GARIN2: variants seen among roughly 807,000 people sequenced by gnomAD.
GARIN2 encodes the protein golgi associated RAB2 interactor family member 2.
At chr14:67,192,875 T>C in the GARIN2 span, among the ~76,000 whole-genome samples, 7 of 146,518 alleles carry the variant, frequency 4.8e-5, no homozygotes, top group South Asian at 6.3e-4. Context: ...TATAGATATA[T>C]AGATATATAT....
At chr14:67,225,640 A>G in the GARIN2 span, among the ~76,000 whole-genome samples, 6 of 152,122 alleles carry the variant, frequency 3.9e-5, no homozygotes, top group Admixed American at 1.3e-4. Flanking sequence ...AAAATGATAC[A>G]GATATTCGTA....
the GARIN2 span, among the ~76,000 whole-genome samples, chr14:67,193,954 C>CAAAAAAAAAACAAA: frequency 0.19 from 16,151 of 84,474 alleles, 1,887 homozygotes; most frequent in East Asian, 0.42. Flanking sequence ...CAAAAAAAAA[C>CAAAAAAAAAACAAA]AAAAAAAAAA....
At chr14:67,219,049 A>T in the GARIN2 span, among the ~76,000 whole-genome samples, 10 of 151,524 alleles carry the variant, frequency 6.6e-5, no homozygotes, top group African/African-American at 2.4e-4. Context: ...AGAGCAGGTT[A>T]CTCTCCAGAG....
the GARIN2 span, among the ~76,000 whole-genome samples, chr14:67,202,238 C>T: frequency 2.6e-5 from 4 of 152,138 alleles, no homozygotes; most frequent in East Asian, 1.9e-4. Context: ...GTCAGGAGTT[C>T]GAGACCAGCC....
At chr14:67,225,275 T>A in the GARIN2 span, 3 of 1,479,990 alleles carry the variant, frequency 2.0e-6, no homozygotes, top group East Asian at 2.5e-5. Flanking sequence ...GGTAACTTTT[T>A]AATTATAAGT....
At chr14:67,214,567 A>G in the GARIN2 span, among the ~76,000 whole-genome samples, 13 of 152,294 alleles carry the variant, frequency 8.5e-5, no homozygotes, top group South Asian at 2.1e-3. Context: ...TGGTTACTGT[A>G]GCCTTGTAGT....
chr14:67,203,563 T>C, the GARIN2 span, among the ~76,000 whole-genome samples: 1 of 152,212 alleles, frequency 6.6e-6, no homozygotes, highest in East Asian at 1.9e-4. Flanking sequence ...ATGCCTCCTC[T>C]TCCACAGCAT....
chr14:67,210,319 C>A, the GARIN2 span, among the ~76,000 whole-genome samples: 3 of 152,224 alleles, frequency 2.0e-5, no homozygotes, highest in South Asian at 6.2e-4. Context: ...GGCATGGTGG[C>A]TCCTGCCTAT....
chr14:67,225,021 C>CT, the GARIN2 span: 153 of 1,107,606 alleles, frequency 1.4e-4, no homozygotes, highest in Middle Eastern at 6.3e-4. Flanking sequence ...CCTTCTGTGC[C>CT]TTTTTTTTCC....
chr14:67,206,498 AAAAC>A, the GARIN2 span, among the ~76,000 whole-genome samples: 5 of 152,280 alleles, frequency 3.3e-5, no homozygotes, highest in South Asian at 8.3e-4. Context: ...CCTGTCTCAA[AAAAC>A]AAACAAACAA....
chr14:67,212,596 A>AT, the GARIN2 span, among the ~76,000 whole-genome samples: 3 of 137,772 alleles, frequency 2.2e-5, no homozygotes, highest in African/African-American at 8.1e-5. Context: ...GTTGAAAAAA[A>AT]AAATATATAT....
chr14:67,199,800 T>C, the GARIN2 span: 1 of 1,518,694 alleles, frequency 6.6e-7, no homozygotes, highest in Non-Finnish European at 8.9e-7. Context: ...CCACCCCCAG[T>C]GCTGCCTCCT....
At chr14:67,217,879 T>C in the GARIN2 span, among the ~76,000 whole-genome samples, 1 of 152,218 alleles carries the variant, frequency 6.6e-6, no homozygotes, top group Admixed American at 6.5e-5. Flanking sequence ...CTATGTTGAG[T>C]TCTGTGCATC....
At chr14:67,198,723 T>C in the GARIN2 span, among the ~76,000 whole-genome samples, 307 of 152,320 alleles carry the variant, frequency 2.0e-3, 1 homozygote, top group African/African-American at 7.1e-3. Context: ...AGGTAAATTG[T>C]CAGATGGTGT....
chr14:67,217,601 T>A, the GARIN2 span, among the ~76,000 whole-genome samples: 6,361 of 152,270 alleles, frequency 0.042, 812 homozygotes, highest in East Asian at 0.41. Context: ...TTTATAGTTT[T>A]GCATGTTTGC....
At chr14:67,193,367 ATC>A in the GARIN2 span, among the ~76,000 whole-genome samples, 6 of 137,940 alleles carry the variant, frequency 4.3e-5, no homozygotes, top group African/African-American at 1.6e-4. Flanking sequence ...TATATAATCT[ATC>A]TATATATCTA....
At chr14:67,211,212 T>C in the GARIN2 span, among the ~76,000 whole-genome samples, 4 of 152,108 alleles carry the variant, frequency 2.6e-5, no homozygotes, top group Non-Finnish European at 5.9e-5. Context: ...ACCAGGCTCA[T>C]GGTAACTGTT....
the GARIN2 span, among the ~76,000 whole-genome samples, chr14:67,195,713 TTGTGTGTG>T: frequency 5.1e-3 from 732 of 143,286 alleles, 7 homozygotes; most frequent in African/African-American, 0.01. Flanking sequence ...TTCTTTTTGG[TTGTGTGTG>T]TGTGTGTGTG....
chr14:67,227,259 G>C, the GARIN2 span, among the ~76,000 whole-genome samples: 3 of 151,968 alleles, frequency 2.0e-5, no homozygotes, highest in East Asian at 5.8e-4. Context: ...GGCCAATATG[G>C]TGAAACCCCA....
Sources: allele counts gnomAD v4.1 joint callset (sites outside exome capture counted in the v4.1 genomes callset), GRCh38; gene constraint gnomAD v4.1.1; transcripts MANE v1.5; gene names NCBI Gene and HGNC (gene_info 2026-07-23, HGNC 2026-07-21).